CEP170: variants seen among roughly 807,000 people sequenced by gnomAD.
The protein encoded by CEP170 is centrosomal protein of 170 kDa.
A neutral mutation model predicts 151.9 loss-of-function variants in CEP170; 21 were observed. That is an observed-to-expected ratio of 0.14 (90% CI 0.10 to 0.20). CEP170 has a LOEUF of 0.20. CEP170 is among the 10% of genes least tolerant of loss of function. CEP170 has a pLI of 1.00. For missense variants in CEP170, 964 were observed against 1,892.9 expected (o/e 0.51, Z 9.11); for synonymous variants, 356 against 648.8 (o/e 0.55, Z 6.86).
chr1:243,218,079 A>G (rs2062465012), intron 3 of CEP170, among the ~76,000 whole-genome samples: 1 of 152,260 alleles, frequency 6.6e-6, no homozygotes. Context: ...TATAGCCAGC[A>G]TACATTGTAT....
chr1:243,182,687 G>C (rs1390633469), intron 10 of CEP170, among the ~76,000 whole-genome samples: 2 of 152,128 alleles, frequency 1.3e-5, no homozygotes, highest in Non-Finnish European at 2.9e-5. Flanking sequence ...CTCTGAACAA[G>C]TCATGTGTGC....
intron 7 of CEP170, among the ~76,000 whole-genome samples, chr1:243,193,323 C>T (rs2060433623): frequency 6.6e-6 from 1 of 151,888 alleles, no homozygotes; most frequent in Non-Finnish European, 1.5e-5. Context: ...CCATACAGTA[C>T]AACTGGTTCA....
In CEP170 at chr1:243,255,150, T is replaced by G. The variant is rs2066518075; in HGVS notation, c.-152A>C. The G allele has an allele frequency of 6.5e-6, 1 of 153,060 alleles. No individual in the cohort carries two copies. Among genetic ancestry groups the G allele is most frequent in the Non-Finnish European group, 1.5e-5 (1 of 68,558 alleles). 9.5% of individuals were successfully genotyped at this position (153,060 alleles called of 1,614,324 possible). A position where few individuals can be genotyped will look rare whatever the true frequency, so the allele number is the denominator to read the frequency against. ...TCGTCGTCGTCGTCGTCGCCGCTGT[T>G]GTCGTCGCTGCCGCTGCGGTCGAGC... is the stretch of plus-strand genomic sequence containing the variant. On this transcript the variant is annotated 5_prime_UTR_variant, in exon 1 of 20. Coordinates refer to ENST00000366542, the MANE Select transcript of CEP170 (RefSeq NM_014812.3).
At position 243,126,684 on chromosome 1, in the gene CEP170, C is replaced by T. The variant is rs1160834283; in HGVS notation, c.4520G>A (p.Gly1507Glu). ...AGATGGCAACATAGCACTGGGAAATCCCATGTTGTTCAGAGCCTCCAAAGT... is the reference window on the plus strand; with the variant it reads ...AGATGGCAACATAGCACTGGGAAATTCCATGTTGTTCAGAGCCTCCAAAGT... ...DGTLEALNNM[G>E]FPSAMLPSPP... The change falls in exon 20 of 20, where the codon GGA becomes GAA. Residue 1507 changes from glycine (G) to glutamate (E), a missense_variant. Gly to Glu is a moderately conservative substitution (Grantham distance 98, BLOSUM62 -2). Transcript: ENST00000366542. 1 of 1,545,924 alleles carries T rather than the reference C, an allele frequency of 6.5e-7. No homozygotes were observed. Among genetic ancestry groups the T allele is most frequent in the Non-Finnish European group, 8.8e-7 (1 of 1,142,588 alleles).
At chr1:243,209,480 C>G (rs2061634155) in intron 4 of CEP170, among the ~76,000 whole-genome samples, 1 of 152,084 alleles carries the variant, frequency 6.6e-6, no homozygotes, top group Middle Eastern at 3.2e-3. Context: ...AGCCACTGCG[C>G]CCAGCCTGCT....
intron 14 of CEP170, among the ~76,000 whole-genome samples, chr1:243,149,913 GTTAAGA>G (rs1163307960): frequency 1.3e-5 from 2 of 151,840 alleles, no homozygotes; most frequent in African/African-American, 4.8e-5. Context: ...GTTTTTTACT[GTTAAGA>G]TTATCACTCA....
In CEP170 at chr1:243,210,608, A is replaced by ATTTTTTTTTTTTTTTT. The variant is rs751388751; in HGVS notation, c.274+1262_274+1277dup. On this transcript the variant is annotated intron_variant, in intron 4 of 19. Coordinates refer to ENST00000366542, the MANE Select transcript of CEP170 (RefSeq NM_014812.3). ...AAAAATTGTAATATTATTTTTCGTA[A>ATTTTTTTTTTTTTTTT]TTTTTTTTTTTTTTTTTTTTTTTTT... 2.8e-4 allele frequency among the ~76,000 whole-genome samples: 19 copies of ATTTTTTTTTTTTTTTT among 67,940 alleles called. 2 individuals are homozygous for ATTTTTTTTTTTTTTTT. Among genetic ancestry groups the ATTTTTTTTTTTTTTTT allele is most frequent in the Non-Finnish European group, 3.8e-4 (15 of 39,378 alleles). The allele number at this position is 67,940 out of a possible 152,430, so 44.6% of individuals were successfully genotyped here.
At chr1:243,248,927 C>T (rs144584094) in intron 1 of CEP170, among the ~76,000 whole-genome samples, 25 of 152,226 alleles carry the variant, frequency 1.6e-4, no homozygotes, top group African/African-American at 5.8e-4. Context: ...TCAGAACCAC[C>T]GCACCTGAGT....
chr1:243,126,504 T>C lies in CEP170; in HGVS notation c.4700A>G (p.His1567Arg), dbSNP rs1402032598. 2 of 1,609,150 alleles carry C rather than the reference T, an allele frequency of 1.2e-6. No homozygotes were observed. Among genetic ancestry groups the C allele is most frequent in the South Asian group, 1.1e-5 (1 of 90,010 alleles). The change falls in exon 20 of 20, where the codon CAT (histidine) becomes CGT (arginine). Residue 1567 changes from histidine to arginine, a missense_variant. Transcript: ENST00000366542. ...NAESEADFSIHFNRFNPDGEE... is the reference protein window; with the variant it reads ...NAESEADFSIRFNRFNPDGEE... ...CCCATCGGGGTTGAATCTATTGAAATGTATACTGAAATCAGCCTCAGATTC... is the reference window on the plus strand; with the variant it reads ...CCCATCGGGGTTGAATCTATTGAAACGTATACTGAAATCAGCCTCAGATTC...
intron 1 of CEP170, among the ~76,000 whole-genome samples, chr1:243,251,982 G>A (rs1477646389): frequency 6.6e-6 from 1 of 151,994 alleles, no homozygotes; most frequent in African/African-American, 2.4e-5. Flanking sequence ...CTCTCACAAT[G>A]GCTAACTCAC....
intron 7 of CEP170, among the ~76,000 whole-genome samples, chr1:243,196,409 G>T (rs1432956924): frequency 3.3e-5 from 5 of 152,056 alleles, no homozygotes; most frequent in Admixed American, 1.3e-4. Context: ...TTGCTGTGAT[G>T]ATTAAATAAA....
intron 10 of CEP170, among the ~76,000 whole-genome samples, chr1:243,175,773 C>G (rs1339267331): frequency 6.7e-6 from 1 of 149,702 alleles, no homozygotes; most frequent in Non-Finnish European, 1.5e-5. Context: ...TGTCATCCCA[C>G]CTGCTGGAAG....
chr1:243,178,603 A>C (rs972043062), intron 10 of CEP170, among the ~76,000 whole-genome samples: 35 of 152,190 alleles, frequency 2.3e-4, no homozygotes, highest in African/African-American at 7.5e-4. Context: ...TGATGGTTGT[A>C]CAACCCTGTG....
chr1:243,206,327 T>C (rs893346311), intron 4 of CEP170, among the ~76,000 whole-genome samples: 42 of 152,204 alleles, frequency 2.8e-4, no homozygotes, highest in African/African-American at 9.4e-4. Flanking sequence ...AGAGACAGGG[T>C]TTCCCCATGT....
At chr1:243,243,427 G>A (rs1475617233) in intron 1 of CEP170, among the ~76,000 whole-genome samples, 1 of 152,054 alleles carries the variant, frequency 6.6e-6, no homozygotes, top group African/African-American at 2.4e-5. Context: ...CTAGATCAGA[G>A]AAACAATATA....
At chr1:243,154,669 C>T (rs1333731286) in intron 14 of CEP170, among the ~76,000 whole-genome samples, 1 of 152,200 alleles carries the variant, frequency 6.6e-6, no homozygotes, top group Middle Eastern at 3.2e-3. Context: ...TTCTTAAAGT[C>T]CTGCCATAGA....
intron 12 of CEP170, among the ~76,000 whole-genome samples, chr1:243,167,161 T>C (rs1195568030): frequency 1.3e-5 from 2 of 152,060 alleles, no homozygotes; most frequent in African/African-American, 4.8e-5. Flanking sequence ...AACTACATAG[T>C]AGAGAAGAAC....
At chr1:243,233,040 G>A (rs1429952468) in intron 1 of CEP170, among the ~76,000 whole-genome samples, 1 of 152,164 alleles carries the variant, frequency 6.6e-6, no homozygotes, top group Non-Finnish European at 1.5e-5. Flanking sequence ...ACCTTTGACA[G>A]CAATTCAATC....
At position 243,237,967 on chromosome 1, in the gene CEP170, A is replaced by G. The variant is rs145309242; in HGVS notation, c.-41-12646T>C. Among the ~76,000 whole-genome samples the G allele has an allele frequency of 2.4e-3, 359 of 152,288 alleles. 1 individual carries two copies. The highest frequency in any genetic ancestry group is 8.4e-3 in the African/African-American group (351 of 41,566). On this transcript the variant is annotated intron_variant, in intron 1 of 19. Transcript: ENST00000366542. ...GTAAATTATATAAACAATCGGGTCTATCTTTTGTCTAAAATTTTTAAATAT... is the reference window on the plus strand; with the variant it reads ...GTAAATTATATAAACAATCGGGTCTGTCTTTTGTCTAAAATTTTTAAATAT...
Sources: allele counts gnomAD v4.1 joint callset (sites outside exome capture counted in the v4.1 genomes callset), GRCh38; gene constraint gnomAD v4.1.1; transcripts MANE v1.5; gene names NCBI Gene and HGNC (gene_info 2026-07-23, HGNC 2026-07-21).